Variants in SGCD observed in about 807,000 individuals in gnomAD.
The protein encoded by SGCD is delta-sarcoglycan.
In SGCD, 18 loss-of-function variants were observed where a neutral mutation model predicts 36.6. That is an observed-to-expected ratio of 0.49 (90% CI 0.34 to 0.73). The LOEUF is 0.73. Ranked by LOEUF, SGCD falls within the 30% of genes least tolerant of loss-of-function variation. SGCD has a pLI of 0.01. For missense variants in SGCD, 387 were observed against 346.7 expected, an observed-to-expected ratio of 1.12 and a Z score of -0.92; for synonymous variants, 133 against 130.6, an observed-to-expected ratio of 1.02 and a Z score of -0.12.
In SGCD at chr5:156,070,421, G is replaced by A. The variant is rs558101969; in HGVS notation, c.-281-47457G>A. ...TTTTTGTCTTTGGTTCTGTTTATAT[G>A]CTGGATTACATTTATTGATTTGTGT... On this transcript the variant is annotated intron_variant, in intron 1 of 9. Coordinates refer to the SGCD transcript ENST00000517913. 2.3e-3 allele frequency among the ~76,000 whole-genome samples: 342 copies of A among 151,358 alleles called. 1 individual carries two copies. The highest frequency in any genetic ancestry group is 7.5e-3 in the African/African-American group (305 of 40,668).
the SGCD span, among the ~76,000 whole-genome samples, chr5:155,829,190 G>A: frequency 6.6e-6 from 1 of 152,042 alleles, no homozygotes; most frequent in Non-Finnish European, 1.5e-5. Context: ...AGTCCTGGGG[G>A]CAGGATGAAC....
chr5:156,165,950 C>T (rs368063109), intron 3 of SGCD, among the ~76,000 whole-genome samples: 11 of 152,154 alleles, frequency 7.2e-5, no homozygotes, highest in Non-Finnish European at 8.8e-5. Context: ...AGTTTTTTGA[C>T]GGAGATGCTT....
intron 7 of SGCD, among the ~76,000 whole-genome samples, chr5:156,696,654 CAT>C (rs1754327766): frequency 6.6e-6 from 1 of 151,960 alleles, no homozygotes; most frequent in South Asian, 2.1e-4. Context: ...GGATTACAGG[CAT>C]GTAAGACCAC....
intron 1 of SGCD, among the ~76,000 whole-genome samples, chr5:155,898,682 C>T (rs1471329848): frequency 2.6e-5 from 4 of 152,170 alleles, no homozygotes; most frequent in Non-Finnish European, 5.9e-5. Context: ...TCTTCCTGCA[C>T]CTCTTCTCTG....
chr5:156,251,333 A>G (rs1401934213), intron 3 of SGCD, among the ~76,000 whole-genome samples: 1 of 152,160 alleles, frequency 6.6e-6, no homozygotes, highest in Non-Finnish European at 1.5e-5. Context: ...TAAGATACTG[A>G]AAAACCCTCT....
At chr5:155,881,826 C>T (rs917946835) in intron 1 of SGCD, among the ~76,000 whole-genome samples, 6 of 152,308 alleles carry the variant, frequency 3.9e-5, no homozygotes, top group African/African-American at 7.2e-5. Context: ...ACAGCATCTT[C>T]GCCAGGAGTA....
intron 1 of SGCD, among the ~76,000 whole-genome samples, chr5:156,013,205 A>G (rs1480675591): frequency 2.6e-5 from 4 of 151,702 alleles, no homozygotes; most frequent in Admixed American, 6.6e-5. Flanking sequence ...TTGTATTTTT[A>G]GTAGAGATGG....
At chr5:156,155,938 C>T (rs1762951540) in intron 3 of SGCD, among the ~76,000 whole-genome samples, 1 of 151,792 alleles carries the variant, frequency 6.6e-6, no homozygotes, top group Admixed American at 6.5e-5. Flanking sequence ...GTTGCAGGTA[C>T]TGTTTTTGCT....
chr5:156,287,196 C>T lies in SGCD; in HGVS notation c.-43-42338C>T, dbSNP rs151331026. On this transcript the variant is annotated intron_variant, in intron 3 of 9. Transcript: ENST00000517913. ...ATAGCAGTTTCCAAAATTTGCTGTG[C>T]AACATAATCTCTTGTAGAAACTTGA... Among the ~76,000 whole-genome samples the T allele has an allele frequency of 1.8e-3, 273 of 152,232 alleles. 2 individuals are homozygous for T. The highest frequency in any genetic ancestry group is 6.2e-3 in the African/African-American group (257 of 41,540).
intron 3 of SGCD, among the ~76,000 whole-genome samples, chr5:156,450,756 CTAAT>C (rs754871398): frequency 9.0e-4 from 137 of 151,930 alleles, no homozygotes; most frequent in African/African-American, 2.0e-3. Flanking sequence ...TAAATGAAAA[CTAAT>C]TAAGAGGAGG....
At chr5:156,520,238 C>A (rs1757343259) in intron 4 of SGCD, among the ~76,000 whole-genome samples, 1 of 151,868 alleles carries the variant, frequency 6.6e-6, no homozygotes, top group African/African-American at 2.4e-5. Flanking sequence ...AAGTGGAGAG[C>A]CAAATCATGA....
chr5:156,093,549 C>T (rs955827700), intron 1 of SGCD, among the ~76,000 whole-genome samples: 1 of 152,188 alleles, frequency 6.6e-6, no homozygotes, highest in African/African-American at 2.4e-5. Flanking sequence ...TCTGTTTAAA[C>T]TCTCGTTTGG....
chr5:156,261,844 TTTTAACAAGAA>T (rs1303383063), intron 3 of SGCD, among the ~76,000 whole-genome samples: 5 of 152,212 alleles, frequency 3.3e-5, no homozygotes, highest in South Asian at 2.1e-4. Context: ...TTGTCTTAGT[TTTTAACAAGAA>T]TTTAACAAGA....
intron 3 of SGCD, among the ~76,000 whole-genome samples, chr5:156,215,511 T>C (rs950115516): frequency 6.6e-6 from 1 of 151,992 alleles, no homozygotes; most frequent in Non-Finnish European, 1.5e-5. Context: ...GATTTACAAA[T>C]GGACAAAGGA....
the SGCD span, among the ~76,000 whole-genome samples, chr5:155,830,004 C>A: frequency 6.6e-4 from 101 of 152,216 alleles, no homozygotes; most frequent in African/African-American, 2.3e-3. Context: ...TAGAAAATGA[C>A]ATCATTTCTA....
chr5:156,458,433 G>C, intron 3 of SGCD: 10 of 1,609,556 alleles, frequency 6.2e-6, no homozygotes, highest in Non-Finnish European at 8.5e-6. Context: ...ACCAATCTGA[G>C]GGTCAAACCC....
intron 3 of SGCD, among the ~76,000 whole-genome samples, chr5:156,354,248 C>A (rs1176422254): frequency 6.6e-6 from 1 of 152,020 alleles, no homozygotes; most frequent in East Asian, 1.9e-4. Flanking sequence ...ATGGATAAGG[C>A]CTTTTGTGTG....
the SGCD span, among the ~76,000 whole-genome samples, chr5:155,739,544 T>C: frequency 6.6e-6 from 1 of 152,250 alleles, no homozygotes. Context: ...GAAAGCTCTA[T>C]GGCTGTTGTT....
At chr5:155,918,418 C>A (rs1360110575) in intron 1 of SGCD, among the ~76,000 whole-genome samples, 1 of 152,070 alleles carries the variant, frequency 6.6e-6, no homozygotes, top group African/African-American at 2.4e-5. Context: ...CAAAAATTAT[C>A]CAGCCATGGT....
Sources: allele counts gnomAD v4.1 joint callset (sites outside exome capture counted in the v4.1 genomes callset), GRCh38; gene constraint gnomAD v4.1.1; transcripts MANE v1.5; gene names NCBI Gene and HGNC (gene_info 2026-07-23, HGNC 2026-07-21).